Variants in CLYBL observed in about 807,000 individuals in gnomAD.
CLYBL encodes citramalyl-CoA lyase.
CLYBL carries 31 observed loss-of-function variants against 38.9 expected under a neutral mutation model. That is an observed-to-expected ratio of 0.80 (90% CI 0.60 to 1.08). The LOEUF (loss-of-function observed/expected upper bound fraction) is 1.08. CLYBL is among the 50% of genes least tolerant of loss of function. The pLI is 0.00. For synonymous variants in CLYBL, 171 were observed against 158.6 expected (o/e 1.08, Z -0.59); for missense variants, 434 against 411.6 (o/e 1.05, Z -0.47).
intron 1 of CLYBL, among the ~76,000 whole-genome samples, chr13:99,709,395 C>CT (rs1309766988): frequency 3.9e-5 from 6 of 152,216 alleles, no homozygotes; most frequent in Admixed American, 1.3e-4. Flanking sequence ...GAAGACACAG[C>CT]TGGCAGCACC....
chr13:99,875,158 G>A (rs2052005181), intron 7 of CLYBL, among the ~76,000 whole-genome samples: 2 of 152,190 alleles, frequency 1.3e-5, no homozygotes, highest in African/African-American at 2.4e-5. Flanking sequence ...TAAATTCTAG[G>A]TTCAATTAAC....
intron 2 of CLYBL, among the ~76,000 whole-genome samples, chr13:99,775,520 T>A (rs957931011): frequency 1.3e-5 from 2 of 152,100 alleles, no homozygotes; most frequent in African/African-American, 4.8e-5. Context: ...AAAATTTCAT[T>A]AAAAAAATTT....
intron 2 of CLYBL, among the ~76,000 whole-genome samples, chr13:99,824,947 C>G (rs907516706): frequency 1.0e-5 from 1 of 98,954 alleles, no homozygotes; most frequent in African/African-American, 4.0e-5. Flanking sequence ...TCACCCCCTG[C>G]CCCCCACTCT....
In CLYBL at chr13:99,848,020, C is replaced by T. The variant is rs148345575; in HGVS notation, c.250-10841C>T. Among the ~76,000 whole-genome samples, 9 of 152,346 alleles carry T rather than the reference C, an allele frequency of 5.9e-5. No individual in the cohort carries two copies. In the East Asian group the frequency reaches 7.7e-4, roughly 13 times the overall value. On this transcript the variant is annotated intron_variant, in intron 2 of 8. Transcript: ENST00000339105. ...TTCAAGCTCCCTCCCTCCATAGCCTCATATGTACAAATCATCACCTTGCTG... is the reference window on the plus strand; with the variant it reads ...TTCAAGCTCCCTCCCTCCATAGCCTTATATGTACAAATCATCACCTTGCTG...
intron 1 of CLYBL, among the ~76,000 whole-genome samples, chr13:99,628,395 G>T (rs1466444937): frequency 6.6e-6 from 1 of 152,202 alleles, no homozygotes; most frequent in African/African-American, 2.4e-5. Flanking sequence ...TTAATCAGCA[G>T]CCTTGGGAGT....
chr13:99,696,998 C>G (rs1294366176), intron 1 of CLYBL, among the ~76,000 whole-genome samples: 2 of 152,112 alleles, frequency 1.3e-5, no homozygotes, highest in African/African-American at 2.4e-5. Context: ...CTATGTATTT[C>G]TGCTGCTACT....
intron 2 of CLYBL, among the ~76,000 whole-genome samples, chr13:99,798,544 A>G (rs2050067581): frequency 6.6e-6 from 1 of 152,258 alleles, no homozygotes; most frequent in Admixed American, 6.5e-5. Context: ...AGTGAAAGAA[A>G]TGAAGATCAT....
intron 2 of CLYBL, among the ~76,000 whole-genome samples, chr13:99,785,257 G>A (rs895998730): frequency 1.5e-5 from 2 of 130,132 alleles, no homozygotes; most frequent in Non-Finnish European, 3.1e-5. Context: ...CACCCAGGCT[G>A]GAATGCAGTT....
chr13:99,667,241 C>T (rs2047495058), intron 1 of CLYBL, among the ~76,000 whole-genome samples: 1 of 152,096 alleles, frequency 6.6e-6, no homozygotes, highest in Non-Finnish European at 1.5e-5. Flanking sequence ...AGAAATGCCA[C>T]ACGTAACCAT....
At chr13:99,878,393 T>C (rs1488352384) in intron 7 of CLYBL, among the ~76,000 whole-genome samples, 1 of 152,272 alleles carries the variant, frequency 6.6e-6, no homozygotes, top group Non-Finnish European at 1.5e-5. Context: ...TGGCATTCAT[T>C]GTTTGCTTTT....
intron 2 of CLYBL, among the ~76,000 whole-genome samples, chr13:99,806,613 T>C (rs1373932501): frequency 6.6e-6 from 1 of 152,208 alleles, no homozygotes; most frequent in African/African-American, 2.4e-5. Flanking sequence ...GAAACAACCA[T>C]AGTACCTACT....
At chr13:99,719,601 G>A (rs1364501794) in intron 1 of CLYBL, among the ~76,000 whole-genome samples, 1 of 152,052 alleles carries the variant, frequency 6.6e-6, no homozygotes. Context: ...CCACCTCCTG[G>A]GTTCAAGCGA....
At chr13:99,630,464 G>C (rs1483516464) in intron 1 of CLYBL, among the ~76,000 whole-genome samples, 1 of 152,182 alleles carries the variant, frequency 6.6e-6, no homozygotes, top group Non-Finnish European at 1.5e-5. Flanking sequence ...GTTCAGAGAC[G>C]TGCTAAAAGT....
intron 2 of CLYBL, among the ~76,000 whole-genome samples, chr13:99,801,427 G>A (rs1271001658): frequency 7.7e-6 from 1 of 129,464 alleles, no homozygotes; most frequent in East Asian, 2.1e-4. Flanking sequence ...TGCCATTTCA[G>A]TAGACAGTTG....
intron 1 of CLYBL, among the ~76,000 whole-genome samples, chr13:99,729,966 A>G (rs373009115): frequency 8.0e-5 from 12 of 150,932 alleles, no homozygotes; most frequent in South Asian, 6.5e-4. Flanking sequence ...AGCATTGCCC[A>G]TGCCCCCACC....
chr13:99,658,613 CG>C (rs2047364936), intron 1 of CLYBL, among the ~76,000 whole-genome samples: 1 of 152,048 alleles, frequency 6.6e-6, no homozygotes, highest in Non-Finnish European at 1.5e-5. Flanking sequence ...CCACAGGCAG[CG>C]GGGCGGGGTG....
chr13:99,701,397 G>T (rs547247594), intron 1 of CLYBL, among the ~76,000 whole-genome samples: 1 of 152,098 alleles, frequency 6.6e-6, no homozygotes, highest in East Asian at 1.9e-4. Flanking sequence ...TGCAAGCTCC[G>T]CCTCCCGGGT....
intron 1 of CLYBL, among the ~76,000 whole-genome samples, chr13:99,670,730 C>T (rs1402198140): frequency 6.6e-6 from 1 of 152,194 alleles, no homozygotes; most frequent in East Asian, 1.9e-4. Flanking sequence ...GCTACACCTT[C>T]CGTGGTCCTT....
At chr13:99,784,576 T>A (rs1213400397) in intron 2 of CLYBL, among the ~76,000 whole-genome samples, 1 of 149,764 alleles carries the variant, frequency 6.7e-6, no homozygotes, top group Non-Finnish European at 1.5e-5. Context: ...TGCCTCAGCC[T>A]CCCGAGTAGC....
Sources: gnomAD v4.1 joint callset for allele counts (sites outside exome capture counted in the v4.1 genomes callset) on GRCh38, gnomAD v4.1.1 for gene constraint, MANE v1.5 for transcripts, NCBI Gene and HGNC (gene_info 2026-07-23, HGNC 2026-07-21) for gene names.